PRKN: variants seen among roughly 807,000 people sequenced by gnomAD.
The protein encoded by PRKN is parkin RBR E3 ubiquitin protein ligase.
In PRKN, 56 loss-of-function variants were observed where a neutral mutation model predicts 59.5. The observed-to-expected ratio is 0.94, with a 90% CI of 0.76 to 1.18. The LOEUF (loss-of-function observed/expected upper bound fraction) is 1.18, where lower values mean the gene tolerates loss of function less well. PRKN is among the 50% of genes most tolerant of loss of function. The pLI is 0.00. For synonymous variants in PRKN, 250 were observed against 222.1 expected, an observed-to-expected ratio of 1.13 and a Z score of -1.12; for missense variants, 657 against 596.4, an observed-to-expected ratio of 1.10 and a Z score of -1.06.
intron 1 of PRKN, among the ~76,000 whole-genome samples, chr6:162,719,281 G>A (rs886734229): frequency 2.6e-5 from 4 of 152,156 alleles, no homozygotes; most frequent in Non-Finnish European, 4.4e-5. Flanking sequence ...ACATTTGTCT[G>A]TGGTCAGGAG....
rs2128137472 is a variant in PRKN, at chr6:161,579,478, G to A, written c.872-10062C>T. On this transcript the variant is annotated intron_variant, in intron 7 of 11. Transcript: ENST00000366898. This position sits in a 1 kb window ranked among gnomAD's most constrained non-coding sequence, Gnocchi z 4.2. ...GGAACACTCCCCTGTTTATAAACTG[G>A]AAACTTGTGTAATTTATATTTGTAC... is the stretch of plus-strand genomic sequence containing the variant. Among the ~76,000 whole-genome samples the A allele has an allele frequency of 6.6e-6, 1 of 152,238 alleles. No homozygotes were observed. Among genetic ancestry groups the A allele is most frequent in the Middle Eastern group, 3.4e-3 (1 of 292 alleles).
chr6:161,937,441 T>C lies in PRKN; in HGVS notation c.734+35861A>G, dbSNP rs111862934. Reference sequence around the variant, plus strand: ...TTTAACAACAGCTTTTAAGTCTTTATCATCTATAGTCACTTGTTTCACTCT... The same window carrying C: ...TTTAACAACAGCTTTTAAGTCTTTACCATCTATAGTCACTTGTTTCACTCT... On this transcript the variant is annotated intron_variant, in intron 6 of 11. Coordinates refer to ENST00000366898, the MANE Select transcript of PRKN (RefSeq NM_004562.3). Among the ~76,000 whole-genome samples, 152 of 152,368 alleles carry C rather than the reference T, an allele frequency of 1.0e-3. 1 individual carries two copies. The highest frequency in any genetic ancestry group is 3.5e-3 in the African/African-American group (145 of 41,588).
intron 1 of PRKN, among the ~76,000 whole-genome samples, chr6:162,653,341 C>G (rs201438725): frequency 3.3e-5 from 5 of 150,244 alleles, no homozygotes; most frequent in African/African-American, 1.2e-4. Context: ...TGTTTGTGTG[C>G]GTGTCTGTGT....
At chr6:161,506,009 G>A (rs1778154506) in intron 9 of PRKN, among the ~76,000 whole-genome samples, 1 of 151,920 alleles carries the variant, frequency 6.6e-6, no homozygotes, top group Non-Finnish European at 1.5e-5. Context: ...GGCGATGCGG[G>A]TTCTTTTTTG....
At chr6:161,443,095 G>A (rs1219358150) in intron 9 of PRKN, among the ~76,000 whole-genome samples, 1 of 152,118 alleles carries the variant, frequency 6.6e-6, no homozygotes, top group African/African-American at 2.4e-5. Context: ...ATCACCTGAG[G>A]TCGGGAGTTC....
Position 161,550,685 on chromosome 6 carries a change from C to T in PRKN, c.934-1682G>A, listed in dbSNP as rs145407455. 1.3e-3 allele frequency among the ~76,000 whole-genome samples: 173 copies of T among 136,902 alleles called. No individual in the cohort carries two copies. Among genetic ancestry groups the T allele is most frequent in the Non-Finnish European group, 2.2e-3 (139 of 63,568 alleles). 89.8% of individuals were successfully genotyped at this position (136,902 alleles called of 152,430 possible). A position where few individuals can be genotyped will look rare whatever the true frequency, so the allele number is the denominator to read the frequency against. On this transcript the variant is annotated intron_variant, in intron 8 of 11. Transcript: ENST00000366898. This position sits in a 1 kb window ranked among gnomAD's most constrained non-coding sequence, Gnocchi z 4.0. Reference sequence around the variant, plus strand: ...CCCCGTTTCCTGAGAAGACAGGAGGCGGGTAGGGGTGGGGACAACTGTGGT... The same window carrying T: ...CCCCGTTTCCTGAGAAGACAGGAGGTGGGTAGGGGTGGGGACAACTGTGGT...
rs756684606 is a variant in PRKN at position 162,071,886 on chromosome 6, C to T, written c.535-17712G>A. Among the ~76,000 whole-genome samples the T allele has an allele frequency of 6.6e-5, 10 of 152,072 alleles. No homozygotes were observed. The East Asian group carries it at 9.7e-4, about 15-fold the overall frequency. ...TACTAGGATTACAGGCTTGAGCCAC[C>T]GCACCCAACCTATTTTACTTAATTA... On this transcript the variant is annotated intron_variant, in intron 4 of 11. Transcript: ENST00000366898.
chr6:162,507,146 T>G (rs978951501), intron 1 of PRKN, among the ~76,000 whole-genome samples: 1 of 152,142 alleles, frequency 6.6e-6, no homozygotes, highest in Non-Finnish European at 1.5e-5. Context: ...TGAATTTCCA[T>G]CCATTCCTCT....
intron 7 of PRKN, among the ~76,000 whole-genome samples, chr6:161,616,305 C>T (rs1278063080): frequency 2.0e-5 from 3 of 152,182 alleles, no homozygotes; most frequent in African/African-American, 7.2e-5. Flanking sequence ...GGACTCATCC[C>T]ATCCCTTTTA....
At chr6:161,559,545 C>A (rs1780374435) in intron 8 of PRKN, among the ~76,000 whole-genome samples, 1 of 152,228 alleles carries the variant, frequency 6.6e-6, no homozygotes, top group South Asian at 2.1e-4. Flanking sequence ...CCTCTGCCTT[C>A]CTTGAAAGGA....
intron 1 of PRKN, among the ~76,000 whole-genome samples, chr6:162,539,937 T>C (rs555260741): frequency 6.6e-6 from 1 of 152,328 alleles, no homozygotes; most frequent in Non-Finnish European, 1.5e-5. Flanking sequence ...TTTTGTTTTG[T>C]TTTGAGATGG....
At chr6:161,918,657 C>G (rs1778666716) in intron 6 of PRKN, among the ~76,000 whole-genome samples, 2 of 152,164 alleles carry the variant, frequency 1.3e-5, no homozygotes, top group Admixed American at 6.5e-5. Context: ...GGGGTGAGTT[C>G]TTTTTCTTCT....
At chr6:161,443,999 G>T (rs1789372369) in intron 9 of PRKN, among the ~76,000 whole-genome samples, 1 of 152,246 alleles carries the variant, frequency 6.6e-6, no homozygotes, top group Non-Finnish European at 1.5e-5. Flanking sequence ...CATGAAATTC[G>T]ATTCAGTGTG....
chr6:161,520,213 A>T (rs944248282), intron 9 of PRKN, among the ~76,000 whole-genome samples: 1 of 143,782 alleles, frequency 7.0e-6, no homozygotes, highest in South Asian at 2.2e-4. Context: ...TCTATGCTCA[A>T]ATCTCTCTAT....
chr6:161,803,217 T>C (rs1791164378), intron 6 of PRKN, among the ~76,000 whole-genome samples: 1 of 152,220 alleles, frequency 6.6e-6, no homozygotes, highest in Non-Finnish European at 1.5e-5. Context: ...ATGCTGGTTT[T>C]GCCACTTCTT....
At chr6:162,696,559 C>CTTTTTTTTTTTTTTTTTT (rs748055251) in intron 1 of PRKN, among the ~76,000 whole-genome samples, 3 of 108,510 alleles carry the variant, frequency 2.8e-5, no homozygotes, top group Non-Finnish European at 3.6e-5. Flanking sequence ...TCAGGAAAAA[C>CTTTTTTTTTTTTTTTTTT]TTTTTTTTTT....
Position 161,471,042 on chromosome 6 carries a change from A to G in PRKN, c.1083+77812T>C, listed in dbSNP as rs1168966797. Among the ~76,000 whole-genome samples, 2 of 152,188 alleles carry G rather than the reference A, an allele frequency of 1.3e-5. No homozygotes were observed. The highest frequency in any genetic ancestry group is 1.5e-5 in the Non-Finnish European group (1 of 68,026). On this transcript the variant is annotated intron_variant, in intron 9 of 11. Coordinates refer to ENST00000366898, the MANE Select transcript of PRKN (RefSeq NM_004562.3). This position sits in a 1 kb window ranked among gnomAD's most constrained non-coding sequence, Gnocchi z 4.5. The stretch of plus-strand genomic sequence containing the variant: ...AAGGTAAGAGGATAGCATGTATTTT[A>G]TTTAACAGCTTGCTAGTGTGATTTA...
chr6:162,021,150 ATATATATATATATATAAAATATATG>A (rs1783155058), intron 5 of PRKN, among the ~76,000 whole-genome samples: 1 of 16,052 alleles, frequency 6.2e-5, no homozygotes, highest in African/African-American at 2.1e-4. Context: ...ATATATATAT[ATATATATATATATATAAAATATATG>A]TGTATATATA....
intron 6 of PRKN, among the ~76,000 whole-genome samples, chr6:161,916,500 T>C (rs1254814957): frequency 6.6e-6 from 1 of 152,192 alleles, no homozygotes; most frequent in Admixed American, 6.5e-5. Flanking sequence ...AAGATGTCAT[T>C]AGTGGAGATG....
Sources: allele counts gnomAD v4.1 joint callset (sites outside exome capture counted in the v4.1 genomes callset), GRCh38; gene constraint gnomAD v4.1.1; non-coding constraint Gnocchi (gnomAD v3.1); transcripts MANE v1.5; gene names NCBI Gene and HGNC (gene_info 2026-07-23, HGNC 2026-07-21).